The following ERC1 variants were observed in gnomAD, a reference collection of about 807,000 sequenced individuals.
ERC1 encodes RAB6 interacting protein 2.
A neutral mutation model predicts 132.0 loss-of-function variants in ERC1; 56 were observed. That is an observed-to-expected ratio of 0.42 (90% CI 0.34 to 0.53). The LOEUF is 0.53. Ranked by LOEUF, ERC1 falls within the 20% of genes least tolerant of loss-of-function variation. The probability of loss-of-function intolerance (pLI) is 0.03; values close to 1 mark genes in which losing one functional copy is unlikely to be tolerated. For missense variants in ERC1, 1,202 were observed against 1,349.9 expected, an observed-to-expected ratio of 0.89 and a Z score of 1.72; for synonymous variants, 478 against 476.1, an observed-to-expected ratio of 1.00 and a Z score of -0.05.
Position 1,245,866 on chromosome 12 carries a change from T to A in ERC1, c.2487+8962T>A, listed in dbSNP as rs2076125933. On this transcript the variant is annotated intron_variant, in intron 13 of 18. Transcript: ENST00000360905. ...GTTAATTACTGTGATTTATAGTAAC[T>A]TATCTCATACTTTTTGGTCTCAGAA... is the stretch of plus-strand genomic sequence containing the variant. 2.0e-5 allele frequency among the ~76,000 whole-genome samples: 3 copies of A among 152,368 alleles called. No homozygotes were observed. The South Asian group carries it at 6.2e-4, about 32-fold the overall frequency.
intron 18 of ERC1, among the ~76,000 whole-genome samples, chr12:1,473,862 A>T (rs978087486): frequency 1.3e-5 from 2 of 152,306 alleles, no homozygotes; most frequent in Admixed American, 1.3e-4. Context: ...TAGAGTCAAG[A>T]AGTGACCAGA....
chr12:1,198,965 A>G (rs1318706477), intron 12 of ERC1, among the ~76,000 whole-genome samples: 3 of 137,242 alleles, frequency 2.2e-5, no homozygotes, highest in East Asian at 4.0e-4. Flanking sequence ...TTGGGTGGGG[A>G]CAAACCACCG....
intron 17 of ERC1, among the ~76,000 whole-genome samples, chr12:1,429,371 C>T (rs1033960383): frequency 6.6e-6 from 1 of 152,122 alleles, no homozygotes; most frequent in Non-Finnish European, 1.5e-5. Flanking sequence ...GTTTTGTCTT[C>T]TAAGAATTGA....
chr12:1,366,122 T>C (rs1461039327), intron 15 of ERC1, among the ~76,000 whole-genome samples: 2 of 152,112 alleles, frequency 1.3e-5, no homozygotes, highest in Non-Finnish European at 2.9e-5. Flanking sequence ...TGAAGAGAGT[T>C]CTGGAGGTTG....
intron 2 of ERC1, among the ~76,000 whole-genome samples, chr12:1,078,302 G>A (rs1941658866): frequency 6.6e-6 from 1 of 152,086 alleles, no homozygotes; most frequent in African/African-American, 2.4e-5. Context: ...AAAGAAACTA[G>A]GCTTCAGAGA....
chr12:1,296,873 G>A (rs1320478444), intron 15 of ERC1, among the ~76,000 whole-genome samples: 3 of 152,148 alleles, frequency 2.0e-5, no homozygotes, highest in African/African-American at 7.2e-5. Context: ...CATACATGTG[G>A]AACACTAGAA....
At chr12:1,149,721 C>T (rs922782623) in intron 8 of ERC1, among the ~76,000 whole-genome samples, 3 of 151,958 alleles carry the variant, frequency 2.0e-5, no homozygotes, top group Admixed American at 2.0e-4. Flanking sequence ...TTTTTGTTAT[C>T]ATTTATTTCT....
At chr12:1,274,651 C>A (rs2078131890) in intron 14 of ERC1, among the ~76,000 whole-genome samples, 1 of 152,002 alleles carries the variant, frequency 6.6e-6, no homozygotes, top group Admixed American at 6.6e-5. Flanking sequence ...CATCACCACA[C>A]CCGGCTAATG....
intron 12 of ERC1, among the ~76,000 whole-genome samples, chr12:1,230,905 C>A (rs2074980269): frequency 6.6e-6 from 1 of 152,148 alleles, no homozygotes. Flanking sequence ...GTTACCATTT[C>A]CATGGAATAT....
chr12:1,328,132 T>G (rs1020882164), intron 15 of ERC1, among the ~76,000 whole-genome samples: 8 of 152,080 alleles, frequency 5.3e-5, no homozygotes, highest in East Asian at 3.9e-4. Flanking sequence ...TACTTGGTTG[T>G]TTGTTTGTGT....
chr12:1,037,051 C>A (rs1969221568), intron 2 of ERC1, among the ~76,000 whole-genome samples: 1 of 152,154 alleles, frequency 6.6e-6, no homozygotes, highest in Non-Finnish European at 1.5e-5. Context: ...GTATTTAAAT[C>A]AGTGTGGGAA....
At position 1,028,171 on chromosome 12, in the gene ERC1, A is replaced by C; in HGVS notation, c.268A>C (p.Thr90Pro). 6.2e-7 allele frequency: 1 copy of C among 1,614,218 alleles called. No homozygotes were observed. The highest frequency in any genetic ancestry group is 8.5e-7 in the Non-Finnish European group (1 of 1,180,044). The change falls in exon 2 of 19, where the codon ACA becomes CCA. Residue 90 changes from threonine to proline, a missense_variant. Transcript: ENST00000360905. Reference sequence around the variant, plus strand: ...TTCAGAAACACCTAAAAGCACCATGACACTTGGCCGTTCTGGGGGACGTCT... The same window carrying C: ...TTCAGAAACACCTAAAAGCACCATGCCACTTGGCCGTTCTGGGGGACGTCT... The part of the protein sequence containing the change: ...VGSETPKSTM[T>P]LGRSGGRLPY...
intron 15 of ERC1, among the ~76,000 whole-genome samples, chr12:1,301,483 C>T (rs1299154717): frequency 6.6e-6 from 1 of 152,144 alleles, no homozygotes; most frequent in African/African-American, 2.4e-5. Context: ...TATTGTGCAG[C>T]CATAAAAACG....
At chr12:1,484,261 C>T (rs1471580845) in intron 18 of ERC1, among the ~76,000 whole-genome samples, 9 of 151,076 alleles carry the variant, frequency 6.0e-5, no homozygotes, top group Non-Finnish European at 1.2e-4. Context: ...GCCGAGATCG[C>T]ACCACTGCAC....
At chr12:1,001,916 A>G (rs1210764465) in intron 1 of ERC1, among the ~76,000 whole-genome samples, 1 of 134,536 alleles carries the variant, frequency 7.4e-6, no homozygotes, top group Non-Finnish European at 1.5e-5. Context: ...GCTGGAGTGC[A>G]GTGGCGCAAT....
intron 3 of ERC1, among the ~76,000 whole-genome samples, chr12:1,100,580 T>C (rs1179331374): frequency 6.6e-6 from 1 of 151,914 alleles, no homozygotes; most frequent in East Asian, 1.9e-4. Flanking sequence ...ATTTTGAAAA[T>C]GGGAAGAGCA....
chr12:1,111,788 AGTAGAGACGG>A (rs1258190927), intron 5 of ERC1, among the ~76,000 whole-genome samples: 1 of 151,836 alleles, frequency 6.6e-6, no homozygotes, highest in Non-Finnish European at 1.5e-5. Context: ...TTGTAGTTTT[AGTAGAGACGG>A]GTTTCACTAT....
intron 17 of ERC1, chr12:1,430,200 A>T (rs1000025135): frequency 1.3e-5 from 2 of 152,294 alleles, no homozygotes; most frequent in East Asian, 3.9e-4. Context: ...GAGTGATCCA[A>T]GAGATGAGAG....
At chr12:1,250,035 A>T (rs575370288) in intron 13 of ERC1, among the ~76,000 whole-genome samples, 13 of 152,322 alleles carry the variant, frequency 8.5e-5, no homozygotes, top group Admixed American at 2.0e-4. Context: ...CACAAAATTC[A>T]GATTCTGATT....
Sources: gnomAD v4.1 joint callset for allele counts (sites outside exome capture counted in the v4.1 genomes callset) on GRCh38, gnomAD v4.1.1 for gene constraint, MANE v1.5 for transcripts, NCBI Gene and HGNC (gene_info 2026-07-23, HGNC 2026-07-21) for gene names.